Variants in CSMD1 observed in about 807,000 individuals in gnomAD.
CSMD1 encodes CUB and Sushi multiple domains 1.
A neutral mutation model predicts 417.5 loss-of-function variants in CSMD1; 213 were observed. The observed-to-expected ratio is 0.51, with a 90% CI of 0.46 to 0.57. The LOEUF (loss-of-function observed/expected upper bound fraction) is 0.57, where lower values mean the gene tolerates loss of function less well. Among genes scored for constraint, CSMD1 ranks in the 20% least tolerant of loss-of-function variants. The pLI is 0.00. For missense variants in CSMD1, 6,923 were observed against 4,529.7 expected, an observed-to-expected ratio of 1.53 and a Z score of -15.17; for synonymous variants, 2,862 against 1,736.8, an observed-to-expected ratio of 1.65 and a Z score of -16.11.
chr8:4,565,759 T>C lies in CSMD1; in HGVS notation c.302+71583A>G, dbSNP rs1158655028. Among the ~76,000 whole-genome samples the C allele has an allele frequency of 4.8e-4, 4 of 8,276 alleles. No individual in the cohort carries two copies. In the East Asian group the frequency reaches 0.014, roughly 29 times the overall value. The allele number at this position is 8,276 out of a possible 152,430, so 5.4% of individuals were successfully genotyped here. A position where few individuals can be genotyped will look rare whatever the true frequency, so the allele number is the denominator to read the frequency against. ...TAAAAAAAATATATACATATATATA[T>C]ATATATATATATATATATATATATA... On this transcript the variant is annotated intron_variant, in intron 2 of 69. Coordinates refer to ENST00000635120, the MANE Select transcript of CSMD1 (RefSeq NM_033225.6).
rs1027492669 is a variant in CSMD1 at position 4,103,124 on chromosome 8, A to C, written c.416-71025T>G. 3.3e-5 allele frequency among the ~76,000 whole-genome samples: 5 copies of C among 152,208 alleles called. No homozygotes were observed. In the East Asian group the frequency reaches 9.6e-4, roughly 29 times the overall value. On this transcript the variant is annotated intron_variant, in intron 3 of 69. Transcript: ENST00000635120. ...AAAGTGGATTCTATCTCTGAACACG[A>C]GTTAACAGTTATTTTGCAAAGTAGC...
Position 3,885,216 on chromosome 8 carries a change from T to G in CSMD1, c.818+112687A>C, listed in dbSNP as rs372410608. Among the ~76,000 whole-genome samples the G allele has an allele frequency of 3.3e-5, 5 of 152,070 alleles. No homozygotes were observed. In the South Asian group the frequency reaches 1.0e-3, roughly 32 times the overall value. ...GATCAGAAAAGTGGAAGATCCCTTA[T>G]GGGAGACTATTTATTAGTGTTCACA... On this transcript the variant is annotated intron_variant, in intron 5 of 69. Transcript: ENST00000635120.
intron 3 of CSMD1, among the ~76,000 whole-genome samples, chr8:4,133,112 A>AT (rs1329437750): frequency 1.3e-5 from 2 of 151,988 alleles, no homozygotes; most frequent in Non-Finnish European, 2.9e-5. Flanking sequence ...ATTTTTCTGT[A>AT]TTTTTAGTAG....
At chr8:3,570,533 T>A (rs772849122) in intron 10 of CSMD1, among the ~76,000 whole-genome samples, 1 of 146,120 alleles carries the variant, frequency 6.8e-6, no homozygotes, top group Admixed American at 7.0e-5. Flanking sequence ...TCTTGAGAAC[T>A]GAGGGGAAAT....
At chr8:3,625,229 G>A (rs1185336207) in intron 7 of CSMD1, among the ~76,000 whole-genome samples, 1 of 152,142 alleles carries the variant, frequency 6.6e-6, no homozygotes, top group Non-Finnish European at 1.5e-5. Context: ...TATTATCGGA[G>A]CAACATTAGA....
chr8:4,103,003 A>C (rs111238881), intron 3 of CSMD1, among the ~76,000 whole-genome samples: 7 of 152,166 alleles, frequency 4.6e-5, no homozygotes, highest in Non-Finnish European at 8.8e-5. Context: ...TTTGTATTCT[A>C]AACTTTTTAC....
intron 37 of CSMD1, among the ~76,000 whole-genome samples, chr8:3,167,792 A>C (rs1820324461): frequency 6.6e-6 from 1 of 152,220 alleles, no homozygotes. Context: ...AAGAATCAGA[A>C]TATAACAATC....
intron 1 of CSMD1, among the ~76,000 whole-genome samples, chr8:4,939,223 C>A (rs906337356): frequency 1.4e-4 from 21 of 152,210 alleles, no homozygotes; most frequent in African/African-American, 4.8e-4. Flanking sequence ...ATTAGTAAAG[C>A]AAATATGGAA....
chr8:4,928,494 C>A (rs1351832326), intron 1 of CSMD1, among the ~76,000 whole-genome samples: 1 of 152,126 alleles, frequency 6.6e-6, no homozygotes, highest in Non-Finnish European at 1.5e-5. Flanking sequence ...ATTATGTGAG[C>A]CTGAGCAAGT....
intron 68 of CSMD1, among the ~76,000 whole-genome samples, chr8:2,945,490 T>A (rs1802166472): frequency 6.6e-6 from 1 of 152,246 alleles, no homozygotes; most frequent in African/African-American, 2.4e-5. Context: ...TGCCTATATC[T>A]ACACATTAGC....
chr8:4,217,575 G>A (rs983622696), intron 3 of CSMD1, among the ~76,000 whole-genome samples: 2 of 151,834 alleles, frequency 1.3e-5, no homozygotes, highest in East Asian at 1.9e-4. Flanking sequence ...GCAAAGGTGT[G>A]AGCTTGAAGG....
At chr8:4,472,773 T>A (rs1009899015) in intron 2 of CSMD1, among the ~76,000 whole-genome samples, 82 of 152,144 alleles carry the variant, frequency 5.4e-4, no homozygotes, top group African/African-American at 1.9e-3. Flanking sequence ...AGAAAGTTAT[T>A]TTAAAATACC....
At chr8:4,161,249 A>T (rs1435442269) in intron 3 of CSMD1, among the ~76,000 whole-genome samples, 1 of 152,238 alleles carries the variant, frequency 6.6e-6, no homozygotes, top group Non-Finnish European at 1.5e-5. Context: ...TACCATCTGC[A>T]TTTACATGTG....
chr8:4,967,663 G>A (rs376472157), intron 1 of CSMD1, among the ~76,000 whole-genome samples: 1 of 152,134 alleles, frequency 6.6e-6, no homozygotes, highest in South Asian at 2.1e-4. Flanking sequence ...TGGTTCTAAT[G>A]AGCATGAATC....
intron 7 of CSMD1, among the ~76,000 whole-genome samples, chr8:3,673,520 G>A (rs549346600): frequency 6.6e-6 from 1 of 152,152 alleles, no homozygotes; most frequent in Admixed American, 6.6e-5. Flanking sequence ...CATTTTACAG[G>A]AGAAAGTGTT....
At chr8:3,695,193 C>T (rs1183657133) in intron 7 of CSMD1, among the ~76,000 whole-genome samples, 3 of 151,726 alleles carry the variant, frequency 2.0e-5, no homozygotes, top group Non-Finnish European at 4.4e-5. Flanking sequence ...AAGACACTGT[C>T]TGAAAACCAG....
chr8:3,602,835 G>A (rs954719909), intron 8 of CSMD1, among the ~76,000 whole-genome samples: 6 of 151,864 alleles, frequency 4.0e-5, no homozygotes, highest in African/African-American at 7.3e-5. Flanking sequence ...ATGACAAACT[G>A]GGCTTTTGTT....
At chr8:4,453,638 A>C (rs1048251708) in intron 2 of CSMD1, among the ~76,000 whole-genome samples, 1 of 152,000 alleles carries the variant, frequency 6.6e-6, no homozygotes, top group South Asian at 2.1e-4. Context: ...TAGAACTGGC[A>C]TGTGTATCTC....
At chr8:3,937,390 C>T (rs962064453) in intron 5 of CSMD1, among the ~76,000 whole-genome samples, 2 of 152,102 alleles carry the variant, frequency 1.3e-5, no homozygotes, top group Admixed American at 1.3e-4. Flanking sequence ...TTACTGTTGT[C>T]TTATTTTAAG....
Sources: allele counts gnomAD v4.1 joint callset (sites outside exome capture counted in the v4.1 genomes callset), GRCh38; gene constraint gnomAD v4.1.1; transcripts MANE v1.5; gene names NCBI Gene and HGNC (gene_info 2026-07-23, HGNC 2026-07-21).